SLC29A3: variants seen among roughly 807,000 people sequenced by gnomAD.
The protein encoded by SLC29A3 is solute carrier family 29 member 3, also known as equilibrative nucleoside transporter 3.
In SLC29A3, 18 loss-of-function variants were observed where a neutral mutation model predicts 25.4. That is an observed-to-expected ratio of 0.71 (90% CI 0.49 to 1.05). The LOEUF (loss-of-function observed/expected upper bound fraction) is 1.05. SLC29A3 is among the 50% of genes least tolerant of loss of function. SLC29A3 has a pLI of 0.00. For missense variants in SLC29A3, 586 were observed against 609.0 expected (o/e 0.96, Z 0.40); for synonymous variants, 258 against 267.1 (o/e 0.97, Z 0.33).
chr10:71,373,614 T>G (rs559025672), intron 3 of SLC29A3, among the ~76,000 whole-genome samples: 1 of 152,340 alleles, frequency 6.6e-6, no homozygotes, highest in African/African-American at 2.4e-5. Flanking sequence ...GTATCAGATA[T>G]TAGCTCTTAT....
At chr10:71,343,675 C>T (rs566809551) in intron 2 of SLC29A3, among the ~76,000 whole-genome samples, 1 of 152,236 alleles carries the variant, frequency 6.6e-6, no homozygotes, top group South Asian at 2.1e-4. Flanking sequence ...CCCAAGCGAG[C>T]GGTGCCTCAT....
chr10:71,328,550 G>A (rs1846028605), intron 2 of SLC29A3, among the ~76,000 whole-genome samples: 1 of 152,194 alleles, frequency 6.6e-6, no homozygotes, highest in African/African-American at 2.4e-5. Flanking sequence ...CCCCGCTGGT[G>A]AATAAAACTC....
intron 3 of SLC29A3, among the ~76,000 whole-genome samples, chr10:71,374,492 G>T (rs77152271): frequency 0.071 from 10,750 of 152,206 alleles, 444 homozygotes; most frequent in African/African-American, 0.1. Flanking sequence ...ATGGTAACCC[G>T]AAGGTAAGCC....
At chr10:71,333,025 T>C (rs1335119723) in intron 2 of SLC29A3, among the ~76,000 whole-genome samples, 3 of 152,252 alleles carry the variant, frequency 2.0e-5, no homozygotes, top group Non-Finnish European at 4.4e-5. Context: ...GCATATATCC[T>C]TAAAATCCAG....
At chr10:71,326,687 C>T (rs563200179) in intron 2 of SLC29A3, among the ~76,000 whole-genome samples, 1 of 152,226 alleles carries the variant, frequency 6.6e-6, no homozygotes, top group Admixed American at 6.5e-5. Flanking sequence ...GAGCAGCCCT[C>T]GCCTCGTGTA....
chr10:71,331,761 G>A (rs962039014), intron 2 of SLC29A3, among the ~76,000 whole-genome samples: 2 of 152,224 alleles, frequency 1.3e-5, no homozygotes, highest in African/African-American at 2.4e-5. Context: ...ATGAGGATGC[G>A]TCATGTCCTC....
intron 2 of SLC29A3, among the ~76,000 whole-genome samples, chr10:71,333,921 TGAG>T (rs775414632): frequency 1.3e-4 from 20 of 152,074 alleles, no homozygotes; most frequent in Non-Finnish European, 2.8e-4. Context: ...TGAGAGTACA[TGAG>T]GGGAATAAAG....
chr10:71,335,654 G>A (rs1482388988), intron 2 of SLC29A3, among the ~76,000 whole-genome samples: 1 of 152,180 alleles, frequency 6.6e-6, no homozygotes, highest in African/African-American at 2.4e-5. Flanking sequence ...AGAAACCAAG[G>A]AAGCTTTGAA....
rs541461094 is a variant in SLC29A3 at position 71,322,794 on chromosome 10, A to G, written c.40A>G (p.Asn14Asp). Residue 14 changes from asparagine (N) to aspartate (D), a missense_variant, in exon 2 of 6, where the codon AAC becomes GAC. By Grantham distance (23) the Asn-to-Asp change is conservative (BLOSUM62 1). Transcript: ENST00000373189. ...AGAGGACGACTTTCAGCACAGTTCA[A>G]ACTCCACCTACAGAACCACAAGCAG... ...VSEDDFQHSS[N>D]STYRTTSSSL... 55 of 1,614,076 alleles carry G rather than the reference A, an allele frequency of 3.4e-5. No individual in the cohort carries two copies. Among genetic ancestry groups the G allele is most frequent in the African/African-American group, 3.3e-4 (25 of 74,992 alleles).
intron 2 of SLC29A3, among the ~76,000 whole-genome samples, chr10:71,335,807 G>A (rs150644809): frequency 3.0e-4 from 45 of 152,210 alleles, no homozygotes; most frequent in African/African-American, 1.1e-3. Flanking sequence ...AGAGACGGAT[G>A]TATGGGTAGA....
intron 2 of SLC29A3, among the ~76,000 whole-genome samples, chr10:71,328,267 C>T (rs1029262085): frequency 1.3e-5 from 2 of 152,186 alleles, no homozygotes; most frequent in African/African-American, 2.4e-5. Context: ...GGTACCCCAA[C>T]ACTCAGTCCC....
chr10:71,344,397 A>C (rs756644318), intron 3 of SLC29A3, 106 bp downstream of exon 3: 10 of 838,786 alleles, frequency 1.2e-5, no homozygotes, highest in Non-Finnish European at 1.0e-5. Flanking sequence ...AGTGGTGGTC[A>C]CCAAAGTAGG....
intron 3 of SLC29A3, among the ~76,000 whole-genome samples, chr10:71,347,224 T>C (rs1846614606): frequency 6.6e-6 from 1 of 152,202 alleles, no homozygotes; most frequent in Non-Finnish European, 1.5e-5. Flanking sequence ...TTTTATTATG[T>C]TAAATCTGCA....
At chr10:71,357,002 C>T (rs1846931423) in intron 5 of SLC29A3, among the ~76,000 whole-genome samples, 4 of 152,176 alleles carry the variant, frequency 2.6e-5, no homozygotes, top group African/African-American at 9.7e-5. Flanking sequence ...GGCTGGAGTG[C>T]AGGGATGCAA....
chr10:71,360,332 T>G (rs1010995230), intron 5 of SLC29A3, among the ~76,000 whole-genome samples: 1 of 151,868 alleles, frequency 6.6e-6, no homozygotes, highest in Non-Finnish European at 1.5e-5. Flanking sequence ...TTAGTAGAGG[T>G]GGGGTTTCAC....
At chr10:71,338,408 A>C (rs1207464428) in intron 2 of SLC29A3, among the ~76,000 whole-genome samples, 1 of 152,178 alleles carries the variant, frequency 6.6e-6, no homozygotes, top group East Asian at 1.9e-4. Context: ...TTGAGAGAAA[A>C]GATTAGCTAA....
chr10:71,345,558 C>T (rs1846548457), intron 3 of SLC29A3, among the ~76,000 whole-genome samples: 1 of 152,224 alleles, frequency 6.6e-6, no homozygotes, highest in African/African-American at 2.4e-5. Context: ...TAGATCCCAC[C>T]TCCCAATGGA....
chr10:71,370,503 C>T (rs780695), intron 3 of SLC29A3, among the ~76,000 whole-genome samples: 120,728 of 152,126 alleles, frequency 0.79, 48,574 homozygotes, highest in Non-Finnish European at 0.86. Context: ...TCAGTGCTGT[C>T]CTTCTTATTT....
intron 4 of SLC29A3, among the ~76,000 whole-genome samples, chr10:71,377,085 C>G (rs1847258019): frequency 6.6e-6 from 1 of 152,226 alleles, no homozygotes; most frequent in South Asian, 2.1e-4. Flanking sequence ...CTCAAGGTCA[C>G]TTGGCCCAGT....
Sources: gnomAD v4.1 joint callset for allele counts (sites outside exome capture counted in the v4.1 genomes callset) on GRCh38, gnomAD v4.1.1 for gene constraint, MANE v1.5 for transcripts, NCBI Gene and HGNC (gene_info 2026-07-23, HGNC 2026-07-21) for gene names.